KIF17: variants seen among roughly 807,000 people sequenced by gnomAD.
KIF17 encodes kinesin family member 17, also known as kinesin-like protein KIF17.
KIF17 carries 80 observed loss-of-function variants against 96.8 expected under a neutral mutation model. That is an observed-to-expected ratio of 0.83 (90% CI 0.69 to 1.00). The LOEUF is 1.00. Ranked by LOEUF, KIF17 falls within the 50% of genes least tolerant of loss-of-function variation. KIF17 has a pLI of 0.00. For missense variants in KIF17, 1,280 were observed against 1,372.9 expected, an observed-to-expected ratio of 0.93 and a Z score of 1.07; for synonymous variants, 567 against 587.5, an observed-to-expected ratio of 0.97 and a Z score of 0.51.
chr1:20,715,440 T>C (rs1376613413), intron 2 of KIF17, 53 bp downstream of exon 2: 25 of 1,602,380 alleles, frequency 1.6e-5, no homozygotes, highest in Non-Finnish European at 2.1e-5. Flanking sequence ...TCAGAAGTGC[T>C]CTGGGCCCAG....
chr1:20,663,655 C>T (rs1005119632), downstream of KIF17, among the ~76,000 whole-genome samples: 2 of 152,168 alleles, frequency 1.3e-5, no homozygotes, highest in African/African-American at 2.4e-5. Flanking sequence ...CTAGGTACCC[C>T]CCTATGTGGG....
At chr1:20,671,443 G>A (rs770670365) in intron 12 of KIF17, among the ~76,000 whole-genome samples, 4 of 152,006 alleles carry the variant, frequency 2.6e-5, no homozygotes, top group Non-Finnish European at 5.9e-5. Context: ...CGATCCTCTC[G>A]CCTCAGCCCC....
chr1:20,681,181 G>GGTTTT (rs113159025), intron 11 of KIF17, among the ~76,000 whole-genome samples: 96,410 of 140,780 alleles, frequency 0.68, 34,609 homozygotes, highest in East Asian at 0.87. Flanking sequence ...GAGGCAAAAA[G>GGTTTT]GTTTTGTTTT....
chr1:20,682,194 C>T (rs572435274), intron 11 of KIF17, among the ~76,000 whole-genome samples: 13 of 152,118 alleles, frequency 8.5e-5, no homozygotes, highest in East Asian at 5.8e-4. Context: ...TACCCGCATG[C>T]GTGCACACAC....
In KIF17 at chr1:20,715,493, C is replaced by G; in HGVS notation, c.378G>C (p.Gln126His). The G allele has an allele frequency of 6.2e-7, 1 of 1,612,452 alleles. No individual in the cohort carries two copies. Among genetic ancestry groups the G allele is most frequent in the Non-Finnish European group, 8.5e-7 (1 of 1,180,028 alleles). ...RAFEHVFESVQCAENTKFLVR... is the reference protein window; with the variant it reads ...RAFEHVFESVHCAENTKFLVR... The stretch of plus-strand genomic sequence containing the variant: ...CCCCTTCCCTCTGCGAGGCCCGTAC[C>G]TGGACGCTCTCGAACACGTGCTCGA... Residue 126 changes from glutamine to histidine, a missense_variant and splice_region_variant, in exon 2 of 15, where the codon CAG becomes CAC. Gln to His is a conservative substitution (Grantham distance 24). Coordinates refer to ENST00000400463, the MANE Select transcript of KIF17 (RefSeq NM_001122819.3).
intron 5 of KIF17, among the ~76,000 whole-genome samples, chr1:20,703,992 T>C (rs575944397): frequency 6.6e-6 from 1 of 151,652 alleles, no homozygotes; most frequent in East Asian, 1.9e-4. Flanking sequence ...CAAGTGTGGA[T>C]TTCCACCTGC....
In KIF17 at chr1:20,690,352, G is replaced by GGGGGGGGGGGGGGGGCCCA; in HGVS notation, c.1234-18_1234-17insTGGGCCCCCCCCCCCCCCC. 1 of 451,170 alleles carries GGGGGGGGGGGGGGGGCCCA rather than the reference G, an allele frequency of 2.2e-6. No individual in the cohort carries two copies. Among genetic ancestry groups the GGGGGGGGGGGGGGGGCCCA allele is most frequent in the Non-Finnish European group, 4.3e-6 (1 of 235,148 alleles). 27.9% of individuals were successfully genotyped at this position (451,170 alleles called of 1,614,324 possible). A position where few individuals can be genotyped will look rare whatever the true frequency, so the allele number is the denominator to read the frequency against. ...TTCATACTCCTGGGGGGGTGGGAGG[G>GGGGGGGGGGGGGGGGCCCA]ACCAGAGGGCAGGCAGCATTTTATC... On this transcript the variant is annotated splice_polypyrimidine_tract_variant and intron_variant, in intron 6 of 14. Coordinates refer to ENST00000400463, the MANE Select transcript of KIF17 (RefSeq NM_001122819.3).
Position 20,672,271 on chromosome 1 carries a change from T to TG in KIF17, c.2464-76dup. ...CCATCTAACCACCCTGTCCACTCAC[T>TG]GTCCTGCCAGCAGCCACGCATCGTC... On this transcript the variant is annotated intron_variant, in intron 11 of 14. Transcript: ENST00000400463. The surrounding 1 kb of genome is among the most constrained non-coding windows in gnomAD (Gnocchi z 4.3). 3 of 1,578,170 alleles carry TG rather than the reference T, an allele frequency of 1.9e-6. No individual in the cohort carries two copies. Among genetic ancestry groups the TG allele is most frequent in the Non-Finnish European group, 2.6e-6 (3 of 1,162,100 alleles).
At chr1:20,710,944 G>C (rs930675219) in intron 3 of KIF17, among the ~76,000 whole-genome samples, 2 of 152,174 alleles carry the variant, frequency 1.3e-5, no homozygotes, top group African/African-American at 2.4e-5. Flanking sequence ...AGAGGCCAGA[G>C]CATCCTGCAG....
intron 1 of KIF17, 92 bp downstream of exon 1, chr1:20,717,384 C>T: frequency 1.4e-6 from 2 of 1,467,470 alleles, no homozygotes; most frequent in Non-Finnish European, 1.9e-6. Context: ...GAGGGCCTTT[C>T]CTCCTGGCTG....
chr1:20,665,479 A>T (rs934407910), intron 14 of KIF17, among the ~76,000 whole-genome samples: 1 of 143,538 alleles, frequency 7.0e-6, no homozygotes, highest in Non-Finnish European at 1.5e-5. Flanking sequence ...GAATCACTGC[A>T]GCCTCCACCT....
chr1:20,666,749 G>C (rs1420429019), intron 13 of KIF17, among the ~76,000 whole-genome samples: 1 of 152,206 alleles, frequency 6.6e-6, no homozygotes, highest in Admixed American at 6.5e-5. Flanking sequence ...GTGATCATTA[G>C]AACTGGAATC....
At chr1:20,714,126 G>C (rs1032059972) in intron 2 of KIF17, among the ~76,000 whole-genome samples, 4 of 152,138 alleles carry the variant, frequency 2.6e-5, no homozygotes, top group Admixed American at 2.0e-4. Context: ...AGGAGATCGA[G>C]ATCATCCTGG....
chr1:20,669,962 G>C (rs1489540010), intron 13 of KIF17, among the ~76,000 whole-genome samples: 3 of 134,404 alleles, frequency 2.2e-5, no homozygotes, highest in African/African-American at 5.6e-5. Context: ...TAAAATATAG[G>C]AGATAGGTCT....
intron 3 of KIF17, among the ~76,000 whole-genome samples, chr1:20,710,288 C>T (rs80039892): frequency 0.09 from 13,726 of 152,168 alleles, 861 homozygotes; most frequent in East Asian, 0.31. Context: ...CACCCATGAG[C>T]CCTGAGTGCT....
At chr1:20,703,595 G>A (rs908954502) in intron 5 of KIF17, among the ~76,000 whole-genome samples, 1 of 151,908 alleles carries the variant, frequency 6.6e-6, no homozygotes, top group African/African-American at 2.4e-5. Flanking sequence ...TAATGGGGTG[G>A]GTGGGAAGGT....
chr1:20,707,800 T>C (rs953629521), intron 4 of KIF17, among the ~76,000 whole-genome samples: 1 of 119,240 alleles, frequency 8.4e-6, no homozygotes, highest in African/African-American at 2.9e-5. Flanking sequence ...TGTGTGTGTG[T>C]GTGTGTGTGT....
intron 14 of KIF17, among the ~76,000 whole-genome samples, chr1:20,665,177 C>A (rs2053503411): frequency 8.2e-6 from 1 of 121,940 alleles, no homozygotes; most frequent in Admixed American, 8.8e-5. Context: ...CCCACCCATT[C>A]TGTCTCTTAA....
intron 11 of KIF17, among the ~76,000 whole-genome samples, chr1:20,674,711 G>A (rs1038012748): frequency 4.0e-5 from 6 of 151,746 alleles, no homozygotes; most frequent in African/African-American, 1.5e-4. Flanking sequence ...ATTTAGGTTT[G>A]GATCCATTTT....
Sources: allele counts gnomAD v4.1 joint callset (sites outside exome capture counted in the v4.1 genomes callset), GRCh38; gene constraint gnomAD v4.1.1; non-coding constraint Gnocchi (gnomAD v3.1); transcripts MANE v1.5; gene names NCBI Gene and HGNC (gene_info 2026-07-23, HGNC 2026-07-21).